Variants in EPHB1 observed in about 807,000 individuals in gnomAD.
EPHB1 encodes EPH receptor B1.
In EPHB1, 30 loss-of-function variants were observed where a neutral mutation model predicts 94.4. The ratio of observed to expected loss-of-function variants is 0.32; its 90% CI spans 0.24 to 0.43. The LOEUF (loss-of-function observed/expected upper bound fraction) is 0.43. Ranked by LOEUF, EPHB1 falls within the 20% of genes least tolerant of loss-of-function variation. EPHB1 has a pLI of 1.00. For missense variants in EPHB1, 1,055 were observed against 1,308.3 expected (o/e 0.81, Z 2.99); for synonymous variants, 522 against 489.1 (o/e 1.07, Z -0.89).
intron 3 of EPHB1, among the ~76,000 whole-genome samples, chr3:134,964,503 T>C (rs183252871): frequency 2.9e-4 from 44 of 152,360 alleles, no homozygotes; most frequent in Admixed American, 2.6e-3. Context: ...TTGCACAAGA[T>C]GGATAGAGCT....
chr3:135,106,621 G>T lies in EPHB1; in HGVS notation c.961+18G>T, dbSNP rs762837333. The T allele has an allele frequency of 3.1e-6, 5 of 1,613,134 alleles. No homozygotes were observed. Among genetic ancestry groups the T allele is most frequent in the Non-Finnish European group, 4.2e-6 (5 of 1,179,182 alleles). ...ATGCACTAGTAAGTGTCTAGTAATG[G>T]CTCTGGGCTGGGGAGTTTGGTTCCC... On this transcript the variant is annotated intron_variant, in intron 4 of 15. Coordinates refer to ENST00000398015, the MANE Select transcript of EPHB1 (RefSeq NM_004441.5).
At chr3:134,996,419 C>T (rs966971871) in intron 3 of EPHB1, among the ~76,000 whole-genome samples, 1 of 152,152 alleles carries the variant, frequency 6.6e-6, no homozygotes, top group Non-Finnish European at 1.5e-5. Flanking sequence ...CACTTGGGTT[C>T]AAGTGATCTG....
chr3:135,121,025 T>C (rs1020716569), intron 4 of EPHB1, among the ~76,000 whole-genome samples: 22 of 152,178 alleles, frequency 1.4e-4, no homozygotes, highest in African/African-American at 5.3e-4. Context: ...CAGGGACTCC[T>C]CCAGTCTGGT....
intron 3 of EPHB1, among the ~76,000 whole-genome samples, chr3:135,033,389 C>A (rs1021691783): frequency 1.3e-5 from 2 of 152,136 alleles, no homozygotes; most frequent in African/African-American, 4.8e-5. Flanking sequence ...CAGAATCAAC[C>A]AGTCAACTCA....
rs775218444 is a variant in EPHB1, at chr3:135,162,140, C to G, written c.1545C>G (p.Gly515=). Residue 515 remains glycine, a synonymous_variant, in exon 7 of 16, where the codon GGC becomes GGG. Coordinates refer to ENST00000398015, the MANE Select transcript of EPHB1 (RefSeq NM_004441.5). ...QVRARTVAGY[G]KFSGKMCFQT... Reference sequence around the variant, plus strand: ...GTGCCCGCACTGTTGCTGGCTACGGCAAGTTCAGTGGCAAGATGTGCTTCC... The same window carrying G: ...GTGCCCGCACTGTTGCTGGCTACGGGAAGTTCAGTGGCAAGATGTGCTTCC... 3 of 1,610,828 alleles carry G rather than the reference C, an allele frequency of 1.9e-6. No homozygotes were observed. Among genetic ancestry groups the G allele is most frequent in the South Asian group, 1.1e-5 (1 of 90,618 alleles).
chr3:135,054,364 C>T (rs564138898), intron 3 of EPHB1, among the ~76,000 whole-genome samples: 1 of 152,132 alleles, frequency 6.6e-6, no homozygotes, highest in Admixed American at 6.5e-5. Context: ...TTGCATGAGC[C>T]AATTCTTTAT....
At chr3:135,251,039 C>T (rs951813397) in intron 15 of EPHB1, among the ~76,000 whole-genome samples, 1 of 150,822 alleles carries the variant, frequency 6.6e-6, no homozygotes, top group African/African-American at 2.5e-5. Context: ...CCAGCTCTAC[C>T]TCTCTGAGGT....
intron 3 of EPHB1, among the ~76,000 whole-genome samples, chr3:135,078,600 A>G (rs754544900): frequency 4.6e-5 from 7 of 152,238 alleles, no homozygotes; most frequent in Non-Finnish European, 1.0e-4. Context: ...GTGCTGATGG[A>G]CAAATGGACA....
At chr3:135,130,765 G>T (rs779931529) in intron 4 of EPHB1, among the ~76,000 whole-genome samples, 2 of 152,184 alleles carry the variant, frequency 1.3e-5, no homozygotes, top group Non-Finnish European at 2.9e-5. Context: ...TCCCAAGGAT[G>T]CAGTGAGATA....
intron 1 of EPHB1, among the ~76,000 whole-genome samples, chr3:134,877,377 G>C (rs1466471383): frequency 1.3e-5 from 2 of 152,174 alleles, no homozygotes; most frequent in Non-Finnish European, 2.9e-5. Flanking sequence ...AGTCAACCCT[G>C]TTGCTAAGCC....
At chr3:135,035,871 C>G (rs1379154221) in intron 3 of EPHB1, among the ~76,000 whole-genome samples, 1 of 151,262 alleles carries the variant, frequency 6.6e-6, no homozygotes, top group Non-Finnish European at 1.5e-5. Context: ...ACCAAAAAGA[C>G]AAGTTTGGTC....
chr3:135,106,298 A>T, intron 3 of EPHB1, 150 bp from the exon 4 acceptor site: 2 of 787,358 alleles, frequency 2.5e-6, no homozygotes, highest in Non-Finnish European at 4.0e-6. Context: ...AGTGTTAAAT[A>T]TGGGTTTCCT....
At chr3:134,875,823 G>T (rs2037605399) in intron 1 of EPHB1, among the ~76,000 whole-genome samples, 1 of 152,054 alleles carries the variant, frequency 6.6e-6, no homozygotes, top group South Asian at 2.1e-4. Flanking sequence ...CAGGGAAGTG[G>T]CCACAGGGCC....
At chr3:135,106,790 G>T (rs1381899357) in intron 4 of EPHB1, among the ~76,000 whole-genome samples, 187 bp downstream of exon 4, 1 of 152,102 alleles carries the variant, frequency 6.6e-6, no homozygotes, top group African/African-American at 2.4e-5. Context: ...CGTAGCACTG[G>T]GTGAAGATTA....
chr3:134,895,865 G>A (rs1445506421), intron 1 of EPHB1, among the ~76,000 whole-genome samples: 4 of 152,120 alleles, frequency 2.6e-5, no homozygotes, highest in African/African-American at 9.7e-5. Flanking sequence ...ATGAGCATGG[G>A]TCCCTTCATA....
At chr3:134,880,763 TGA>T (rs2037715572) in intron 1 of EPHB1, among the ~76,000 whole-genome samples, 1 of 152,236 alleles carries the variant, frequency 6.6e-6, no homozygotes, top group African/African-American at 2.4e-5. Context: ...GCTGTGAGGC[TGA>T]GGGCCTGCGG....
At chr3:134,900,416 T>G (rs1384264736) in intron 1 of EPHB1, among the ~76,000 whole-genome samples, 2 of 152,180 alleles carry the variant, frequency 1.3e-5, no homozygotes, top group African/African-American at 4.8e-5. Context: ...AATAAAATGG[T>G]AGTCAAGGAA....
chr3:134,882,786 CTT>C (rs1227778867), intron 1 of EPHB1, among the ~76,000 whole-genome samples: 16 of 59,078 alleles, frequency 2.7e-4, no homozygotes, highest in African/African-American at 7.1e-4. Flanking sequence ...TTCTTTCTTT[CTT>C]TCTTTCTTTC....
intron 2 of EPHB1, among the ~76,000 whole-genome samples, chr3:134,930,009 T>G (rs1006227269): frequency 2.0e-5 from 3 of 152,262 alleles, no homozygotes; most frequent in African/African-American, 2.4e-5. Context: ...GCAGAGATTG[T>G]TCTGGAGGCC....
Sources: allele counts gnomAD v4.1 joint callset (sites outside exome capture counted in the v4.1 genomes callset), GRCh38; gene constraint gnomAD v4.1.1; transcripts MANE v1.5; gene names NCBI Gene and HGNC (gene_info 2026-07-23, HGNC 2026-07-21).